The following UBA2 variants were observed in gnomAD, a reference collection of about 807,000 sequenced individuals.
UBA2 encodes ubiquitin like modifier activating enzyme 2, also known as SUMO-activating enzyme subunit 2.
A neutral mutation model predicts 77.2 loss-of-function variants in UBA2; 11 were observed. The observed-to-expected ratio is 0.14, with a 90% CI of 0.09 to 0.24. The LOEUF (loss-of-function observed/expected upper bound fraction) is 0.24. Ranked by LOEUF, UBA2 falls within the 10% of genes least tolerant of loss-of-function variation. UBA2 has a pLI of 1.00. For missense variants in UBA2, 487 were observed against 781.7 expected (o/e 0.62, Z 4.50); for synonymous variants, 278 against 276.7 (o/e 1.00, Z -0.05).
chr19:34,465,029 A>G (rs553503390), intron 15 of UBA2, among the ~76,000 whole-genome samples: 2 of 151,932 alleles, frequency 1.3e-5, no homozygotes, highest in South Asian at 4.2e-4. Flanking sequence ...CAAGAGCAAA[A>G]CTCCATCTCA....
intron 12 of UBA2, 160 bp from the exon 13 acceptor site, chr19:34,458,609 G>A: frequency 2.7e-6 from 1 of 370,186 alleles, no homozygotes; most frequent in Admixed American, 4.7e-5. Context: ...TGAAAAACCA[G>A]GTTCCTAAAA....
At chr19:34,432,121 G>A in intron 3 of UBA2, 190 bp downstream of exon 3, 1 of 424,894 alleles carries the variant, frequency 2.4e-6, no homozygotes, top group Non-Finnish European at 4.2e-6. Flanking sequence ...TTAGAATGGT[G>A]AGATAGTTTA....
intron 1 of UBA2, 152 bp downstream of exon 1, chr19:34,428,722 C>A: frequency 8.6e-7 from 1 of 1,164,312 alleles, no homozygotes. Context: ...CGGGTTGTGC[C>A]CCCCCCGCGG....
chr19:34,460,863 G>A (rs1036088804), intron 14 of UBA2, among the ~76,000 whole-genome samples: 1 of 152,308 alleles, frequency 6.6e-6, no homozygotes, highest in South Asian at 2.1e-4. Flanking sequence ...CTGTCTGTCA[G>A]ATCACAGTGG....
intron 16 of UBA2, among the ~76,000 whole-genome samples, chr19:34,468,634 G>T (rs1395818591): frequency 6.6e-6 from 1 of 152,132 alleles, no homozygotes; most frequent in Non-Finnish European, 1.5e-5. Context: ...TCTTTATAGG[G>T]TTGTGATGAT....
chr19:34,448,956 C>T (rs1168643352), intron 8 of UBA2, among the ~76,000 whole-genome samples: 1 of 152,154 alleles, frequency 6.6e-6, no homozygotes, highest in Non-Finnish European at 1.5e-5. Context: ...TGTTTCCAGC[C>T]ACATTTGTTA....
Position 34,456,100 on chromosome 19 carries a change from C to CTTTTCTTTTTTTT in UBA2, c.1245+1548_1245+1549insCTTTTTTTTTTTT, listed in dbSNP as rs2075557152. Among the ~76,000 whole-genome samples the CTTTTCTTTTTTTT allele has an allele frequency of 1.4e-4, 8 of 55,782 alleles. 1 individual carries two copies. The highest frequency in any genetic ancestry group is 2.9e-4 in the African/African-American group (4 of 13,812). 36.6% of individuals were successfully genotyped at this position (55,782 alleles called of 152,430 possible). A position where few individuals can be genotyped will look rare whatever the true frequency, so the allele number is the denominator to read the frequency against. On this transcript the variant is annotated intron_variant, in intron 12 of 16. Coordinates refer to ENST00000246548, the MANE Select transcript of UBA2 (RefSeq NM_005499.3). ...CCCGATGCGCTCTTTTTTTCCTTTT[C>CTTTTCTTTTTTTT]TTTTTCTTTTTTTTTTTTTTTTTTG...
At chr19:34,447,439 G>C in intron 8 of UBA2, among the ~76,000 whole-genome samples, 1 of 152,218 alleles carries the variant, frequency 6.6e-6, no homozygotes, top group East Asian at 1.9e-4. Context: ...TTATACTTAA[G>C]ATGCCGTAAA....
intron 8 of UBA2, among the ~76,000 whole-genome samples, chr19:34,448,455 A>G (rs777474708): frequency 2.0e-5 from 3 of 152,014 alleles, no homozygotes; most frequent in Non-Finnish European, 4.4e-5. Flanking sequence ...ATAGCCAGCC[A>G]TGGTGGCCTG....
At chr19:34,450,139 CT>C (rs774460249) in intron 8 of UBA2, 125 bp from the exon 9 acceptor site, 8 of 615,458 alleles carry the variant, frequency 1.3e-5, no homozygotes, top group Admixed American at 3.7e-5. Flanking sequence ...AATTGTTATG[CT>C]GCTGGTATAT....
chr19:34,465,312 A>G, intron 15 of UBA2, among the ~76,000 whole-genome samples: 1 of 152,192 alleles, frequency 6.6e-6, no homozygotes. Context: ...GGAGAGAACT[A>G]CATTTCATAC....
Position 34,467,649 on chromosome 19 carries a change from G to A in UBA2, c.1741+635G>A, listed in dbSNP as rs1599940451. The stretch of plus-strand genomic sequence containing the variant: ...AAATTAGCTGGGCGTGGCAGCATGC[G>A]TCTGTAGTCCCAGCTACTCGGGAGG... On this transcript the variant is annotated intron_variant, in intron 16 of 16. Coordinates refer to ENST00000246548, the MANE Select transcript of UBA2 (RefSeq NM_005499.3). Among the ~76,000 whole-genome samples, 4 of 152,120 alleles carry A rather than the reference G, an allele frequency of 2.6e-5. No homozygotes were observed. The Middle Eastern group carries it at 0.01, about 388-fold the overall frequency.
chr19:34,460,154 T>G (rs2075615215), intron 13 of UBA2, among the ~76,000 whole-genome samples: 1 of 152,192 alleles, frequency 6.6e-6, no homozygotes, highest in African/African-American at 2.4e-5. Context: ...GCACAGAGAC[T>G]GAAATGAAAT....
chr19:34,445,503 G>A (rs964000249), intron 8 of UBA2, among the ~76,000 whole-genome samples: 1 of 140,474 alleles, frequency 7.1e-6, no homozygotes, highest in Non-Finnish European at 1.5e-5. Flanking sequence ...GCAGTGGCAC[G>A]ATCTCGGCTC....
At chr19:34,466,809 A>G (rs1402496708) in intron 15 of UBA2, 69 bp from the exon 16 acceptor site, 3 of 1,445,732 alleles carry the variant, frequency 2.1e-6, no homozygotes, top group African/African-American at 1.4e-5. Flanking sequence ...TTGAGGAACA[A>G]CAGGATTTCT....
chr19:34,453,425 G>A (rs940829243), intron 10 of UBA2, among the ~76,000 whole-genome samples: 1 of 151,844 alleles, frequency 6.6e-6, no homozygotes, highest in East Asian at 1.9e-4. Flanking sequence ...TGAAGAAACA[G>A]CATATGTGAG....
intron 13 of UBA2, among the ~76,000 whole-genome samples, chr19:34,459,319 A>G (rs1303470456): frequency 6.6e-6 from 1 of 152,216 alleles, no homozygotes; most frequent in South Asian, 2.1e-4. Flanking sequence ...TTGCATTTCC[A>G]GTAGAGCAAA....
chr19:34,439,990 A>G (rs1469085799), intron 6 of UBA2, among the ~76,000 whole-genome samples: 1 of 152,150 alleles, frequency 6.6e-6, no homozygotes, highest in Non-Finnish European at 1.5e-5. Context: ...CCATGGTAGT[A>G]CATAAAAAAT....
intron 12 of UBA2, among the ~76,000 whole-genome samples, chr19:34,456,394 G>A (rs999397413): frequency 3.3e-5 from 5 of 151,826 alleles, no homozygotes; most frequent in Non-Finnish European, 5.9e-5. Flanking sequence ...GATTTCAGGC[G>A]TGAGCTATTG....
Sources: allele counts gnomAD v4.1 joint callset (sites outside exome capture counted in the v4.1 genomes callset), GRCh38; gene constraint gnomAD v4.1.1; transcripts MANE v1.5; gene names NCBI Gene and HGNC (gene_info 2026-07-23, HGNC 2026-07-21).